DPP4: variants seen among roughly 807,000 people sequenced by gnomAD.
DPP4 encodes the protein ADCP-2.
A neutral mutation model predicts 122.4 loss-of-function variants in DPP4; 93 were observed. The ratio of observed to expected loss-of-function variants is 0.76; its 90% confidence interval spans 0.64 to 0.90. DPP4 has a LOEUF of 0.90. Ranked by LOEUF, DPP4 falls within the 40% of genes least tolerant of loss-of-function variation. The probability of loss-of-function intolerance (pLI) is 0.00; values close to 1 mark genes in which losing one functional copy is unlikely to be tolerated. For missense variants in DPP4, 914 were observed against 907.3 expected, an observed-to-expected ratio of 1.01 and a Z score of -0.09; for synonymous variants, 321 against 302.9, an observed-to-expected ratio of 1.06 and a Z score of -0.62.
rs770463939 is a variant in DPP4, at chr2:162,046,970, A to G, written c.230T>C (p.Leu77Ser). Residue 77 changes from leucine (L) to serine (S), a missense_variant, in exon 4 of 26, where the codon TTG becomes TCG. By Grantham distance (145) the Leu-to-Ser change is moderately radical. Coordinates refer to ENST00000360534, the MANE Select transcript of DPP4 (RefSeq NM_001935.4). ...GTTTCCATATTCAGCATTGAATACC[A>G]AGATATTATTTTCTTGTTTGTAGAG... is the stretch of plus-strand genomic sequence containing the variant. ...EYLYKQENNI[L>S]VFNAEYGNSS... 7 of 1,598,046 alleles carry G rather than the reference A, an allele frequency of 4.4e-6. No homozygotes were observed. Among genetic ancestry groups the G allele is most frequent in the Non-Finnish European group, 5.1e-6 (6 of 1,165,842 alleles).
rs1392573797 is a variant in DPP4 at position 162,047,346 on chromosome 2, C to T, written c.193+57G>A. On this transcript the variant is annotated intron_variant, in intron 3 of 25. Transcript: ENST00000360534. ...CTCAGTGCCATAAAAGCCCACATCT[C>T]GACTTAACTAGAATGAATGTAAGCA... is the stretch of plus-strand genomic sequence containing the variant. 5.7e-5 allele frequency: 58 copies of T among 1,014,082 alleles called. No individual in the cohort carries two copies. The South Asian group carries it at 8.0e-4, about 14-fold the overall frequency. 62.8% of individuals were successfully genotyped at this position (1,014,082 alleles called of 1,614,324 possible). A position where few individuals can be genotyped will look rare whatever the true frequency, so the allele number is the denominator to read the frequency against.
chr2:162,008,660 G>A lies in DPP4; in HGVS notation c.1889C>T (p.Ser630Leu). Residue 630 changes from serine to leucine, a missense_variant and splice_region_variant, in exon 22 of 26, where the codon TCA becomes TTA. Physicochemically the swap from Ser to Leu is moderately radical, Grantham distance 145. Transcript: ENST00000360534. ...CATTGAGGTTACGTACCCTCCATAT[G>A]ACTAAGGAATGGAAACAGTTATTTT... ...DNKRIAIWGWSYGGYVTSMVL... is the reference protein window; with the variant it reads ...DNKRIAIWGWLYGGYVTSMVL... 6.2e-7 allele frequency: 1 copy of A among 1,612,794 alleles called. No homozygotes were observed. Among genetic ancestry groups the A allele is most frequent in the Non-Finnish European group, 8.5e-7 (1 of 1,178,962 alleles).
chr2:162,047,415 T>G lies in DPP4; in HGVS notation c.181A>C (p.Arg61=), dbSNP rs1684226212. ...AAAAAATTCTTACCTGAAATCCATCTTAAGGAGTATAACTTCAGTCTATAA... is the reference window on the plus strand; with the variant it reads ...AAAAAATTCTTACCTGAAATCCATCGTAAGGAGTATAACTTCAGTCTATAA... The part of the protein sequence containing the change: ...NTYRLKLYSL[R]WISDHEYLYK... The change falls in exon 3 of 26, where the codon AGA becomes CGA. Residue 61 remains arginine, a synonymous_variant. Transcript: ENST00000360534. 2 of 1,564,592 alleles carry G rather than the reference T, an allele frequency of 1.3e-6. No homozygotes were observed. Among genetic ancestry groups the G allele is most frequent in the Admixed American group, 3.4e-5 (2 of 59,206 alleles).
chr2:162,024,981 A>T, intron 10 of DPP4, 42 bp from the exon 11 acceptor site: 1 of 1,603,668 alleles, frequency 6.2e-7, no homozygotes, highest in Non-Finnish European at 8.5e-7. Flanking sequence ...GAGAGAATGA[A>T]CATGACTATT....
intron 18 of DPP4, among the ~76,000 whole-genome samples, chr2:162,015,904 C>T (rs935449547): frequency 2.6e-5 from 4 of 152,148 alleles, no homozygotes; most frequent in Non-Finnish European, 5.9e-5. Flanking sequence ...GCACTAGCAT[C>T]ACCTAGAAGC....
Position 162,033,567 on chromosome 2 carries a change from G to A in DPP4, c.861C>T (p.Ile287=), listed in dbSNP as rs1683642014. ...CTATCAACATAGAAGCAGGAGCAGT[G>A]ATTTGTATGGAAGTTGCATTGGTGA... The part of the protein sequence containing the change: ...SSVTNATSIQ[I]TAPASMLIGD... Residue 287 remains isoleucine (I), a synonymous_variant, in exon 10 of 26, where the codon ATC becomes ATT. Transcript: ENST00000360534. 2 of 1,612,694 alleles carry A rather than the reference G, an allele frequency of 1.2e-6. No individual in the cohort carries two copies. Among genetic ancestry groups the A allele is most frequent in the East Asian group, 2.2e-5 (1 of 44,738 alleles).
chr2:162,044,441 T>A (rs1684103690), intron 5 of DPP4, among the ~76,000 whole-genome samples: 1 of 151,776 alleles, frequency 6.6e-6, no homozygotes, highest in African/African-American at 2.4e-5. Context: ...TGAGTGTTGG[T>A]GTGTGAGCGT....
chr2:162,039,403 C>G (rs1390149131), intron 5 of DPP4, among the ~76,000 whole-genome samples: 1 of 152,006 alleles, frequency 6.6e-6, no homozygotes, highest in African/African-American at 2.4e-5. Flanking sequence ...AGCTCTGGCA[C>G]CACCTCCTCC....
chr2:162,073,786 C>T (rs1685210727), intron 1 of DPP4, among the ~76,000 whole-genome samples, 190 bp downstream of exon 1: 1 of 84,152 alleles, frequency 1.2e-5, no homozygotes, highest in Admixed American at 1.1e-4. Flanking sequence ...CGCCAGGGTC[C>T]TAGCAGAAGC....
intron 10 of DPP4, among the ~76,000 whole-genome samples, chr2:162,028,603 G>A (rs1266983420): frequency 6.6e-6 from 1 of 152,198 alleles, no homozygotes; most frequent in Non-Finnish European, 1.5e-5. Flanking sequence ...AACTTACCCA[G>A]GTTAGACATA....
chr2:162,059,969 C>T (rs1047557456), intron 2 of DPP4, among the ~76,000 whole-genome samples: 1 of 152,338 alleles, frequency 6.6e-6, no homozygotes, highest in South Asian at 2.1e-4. Flanking sequence ...TCTTCTTATG[C>T]TCATTCCCAT....
intron 2 of DPP4, among the ~76,000 whole-genome samples, chr2:162,050,820 C>G (rs1020485590): frequency 6.6e-6 from 1 of 152,206 alleles, no homozygotes; most frequent in South Asian, 2.1e-4. Context: ...CAAGTTACAA[C>G]CTATTTTGTC....
At chr2:161,997,900 T>C (rs1312615598) in intron 23 of DPP4, among the ~76,000 whole-genome samples, 1 of 152,220 alleles carries the variant, frequency 6.6e-6, no homozygotes, top group African/African-American at 2.4e-5. Context: ...CCCTTTTTAC[T>C]TCCTACATTG....
rs187773231 is a variant in DPP4, at chr2:162,070,002, A to G, written c.94+3397T>C. On this transcript the variant is annotated intron_variant, in intron 2 of 25. Transcript: ENST00000360534. ...AACCAAATATTTCAAATTTCAGCAT[A>G]TAATATAGTGTAAAAGAAAAAATAA... is the stretch of plus-strand genomic sequence containing the variant. 4.6e-5 allele frequency among the ~76,000 whole-genome samples: 7 copies of G among 152,366 alleles called. No homozygotes were observed. The East Asian group carries it at 1.2e-3, about 25-fold the overall frequency.
intron 10 of DPP4, among the ~76,000 whole-genome samples, chr2:162,033,149 G>C (rs1683621688): frequency 6.6e-6 from 1 of 152,124 alleles, no homozygotes; most frequent in Non-Finnish European, 1.5e-5. Context: ...CACTGCCACA[G>C]TTCATTTTAT....
In DPP4 at chr2:161,993,122, C is replaced by A; in HGVS notation, c.*161G>T. 1.7e-6 allele frequency: 1 copy of A among 583,712 alleles called. No homozygotes were observed. Among genetic ancestry groups the A allele is most frequent in the Non-Finnish European group, 3.1e-6 (1 of 325,980 alleles). 36.2% of individuals were successfully genotyped at this position (583,712 alleles called of 1,614,324 possible). The stretch of plus-strand genomic sequence containing the variant: ...TCTGTTGTGAAGACAGAAGTCCCTA[C>A]TTAAGATGATAGGTATGAAATTTGG... On this transcript the variant is annotated 3_prime_UTR_variant, in exon 26 of 26. Transcript: ENST00000360534.
chr2:162,027,834 C>T (rs1683388177), intron 10 of DPP4, among the ~76,000 whole-genome samples: 1 of 152,096 alleles, frequency 6.6e-6, no homozygotes, highest in Admixed American at 6.5e-5. Context: ...GTGCATCAGT[C>T]ATCTTCCCTG....
intron 8 of DPP4, among the ~76,000 whole-genome samples, chr2:162,037,289 G>C (rs889725413): frequency 1.3e-5 from 2 of 152,188 alleles, no homozygotes; most frequent in African/African-American, 4.8e-5. Context: ...CACAGCTTTG[G>C]AAAGAGGCCA....
intron 10 of DPP4, among the ~76,000 whole-genome samples, chr2:162,027,310 C>T (rs865949476): frequency 8.6e-5 from 13 of 151,086 alleles, no homozygotes; most frequent in East Asian, 5.8e-4. Context: ...AAGATCAAGC[C>T]GCTGCACTCT....
Sources: allele counts gnomAD v4.1 joint callset (sites outside exome capture counted in the v4.1 genomes callset), GRCh38; gene constraint gnomAD v4.1.1; transcripts MANE v1.5; gene names NCBI Gene and HGNC (gene_info 2026-07-23, HGNC 2026-07-21).